Variants in IQCF2 observed in about 807,000 individuals in gnomAD.
IQCF2 encodes IQ motif containing F2, also known as IQ domain-containing protein F2.
Under a neutral mutation model 7.0 loss-of-function variants are expected in IQCF2, and 6 were observed. The ratio of observed to expected loss-of-function variants is 0.86; its 90% CI spans 0.47 to 1.70. IQCF2 has a LOEUF of 1.70. Ranked by LOEUF, IQCF2 falls within the 40% of genes most tolerant of loss-of-function variation. IQCF2 has a pLI of 0.01. For missense variants in IQCF2, 174 were observed against 204.6 expected (o/e 0.85, Z 0.91); for synonymous variants, 67 against 74.0 (o/e 0.91, Z 0.48).
Position 51,863,197 on chromosome 3 carries a change from T to A in IQCF2, c.322T>A (p.Ser108Thr). Residue 108 changes from serine to threonine, a missense_variant, in exon 3 of 3, where the codon TCT becomes ACT. Physicochemically the swap from Ser to Thr is moderately conservative, Grantham distance 58 (BLOSUM62 1). Transcript: ENST00000333127. ...TRERAVIKLQSLVRMWRVRWR... is the reference protein window; with the variant it reads ...TRERAVIKLQTLVRMWRVRWR... ...AGAGAGGGCAGTGATCAAGCTCCAGTCTTTGGTCCGTATGTGGCGTGTCCG... is the reference window on the plus strand; with the variant it reads ...AGAGAGGGCAGTGATCAAGCTCCAGACTTTGGTCCGTATGTGGCGTGTCCG... 6.2e-7 allele frequency: 1 copy of A among 1,614,138 alleles called. No homozygotes were observed. The highest frequency in any genetic ancestry group is 8.5e-7 in the Non-Finnish European group (1 of 1,180,012).
At chr3:51,862,613 T>G (rs993508979) in intron 2 of IQCF2, among the ~76,000 whole-genome samples, 1 of 152,154 alleles carries the variant, frequency 6.6e-6, no homozygotes, top group African/African-American at 2.4e-5. Flanking sequence ...GGGGCTGGAA[T>G]TAGCAGATAA....
At chr3:51,861,732 A>G in intron 1 of IQCF2, 48 bp downstream of exon 1, 2 of 1,609,502 alleles carry the variant, frequency 1.2e-6, no homozygotes, top group Non-Finnish European at 8.5e-7. Flanking sequence ...ATGGGTGGGT[A>G]TCTCCCTGGG....
chr3:51,861,732 A>T lies in IQCF2; in HGVS notation c.18+48A>T, dbSNP rs772465743. 10 of 1,609,502 alleles carry T rather than the reference A, an allele frequency of 6.2e-6. No individual in the cohort carries two copies. The East Asian group carries it at 1.6e-4, about 25-fold the overall frequency. On this transcript the variant is annotated intron_variant, in intron 1 of 2. Coordinates refer to ENST00000333127, the MANE Select transcript of IQCF2 (RefSeq NM_203424.2). ...TTAGGTGGACCAGGAATGGGTGGGT[A>T]TCTCCCTGGGCTTTACAGGACTTGA... is the stretch of plus-strand genomic sequence containing the variant.
In IQCF2 at chr3:51,863,095, C is replaced by A; in HGVS notation, c.220C>A (p.Gln74Lys). Residue 74 changes from glutamine to lysine, a missense_variant, in exon 3 of 3, where the codon CAG becomes AAG. Transcript: ENST00000333127. ...TGCAGCCCTCAGGGCCTGGATAATT[C>A]AGTGCTGGTGGCGGATGACGCTGTC... is the stretch of plus-strand genomic sequence containing the variant. The part of the protein sequence containing the change: ...LHAALRAWII[Q>K]CWWRMTLSRV... The A allele has an allele frequency of 6.2e-7, 1 of 1,614,270 alleles. No homozygotes were observed. The highest frequency in any genetic ancestry group is 1.1e-5 in the South Asian group (1 of 91,090).
chr3:51,861,708 T>C, intron 1 of IQCF2, 24 bp downstream of exon 1: 1 of 1,613,966 alleles, frequency 6.2e-7, no homozygotes, highest in African/African-American at 1.3e-5. Context: ...CCAGATCTAT[T>C]AGGTGGACCA....
intron 2 of IQCF2, 70 bp downstream of exon 2, chr3:51,862,020 T>G: frequency 8.8e-7 from 1 of 1,136,476 alleles, no homozygotes; most frequent in African/African-American, 1.5e-5. Context: ...TGTAGGACTT[T>G]GCCTCTTATC....
rs201555465 is a variant in IQCF2, at chr3:51,863,228, G to A, written c.353G>A (p.Arg118Gln). ...SLVRMWRVRW[R>Q]YCQVLNAIYI... ...GTCCGTATGTGGCGTGTCCGCTGGCGATACTGCCAGGTGCTCAATGCCATC... is the reference window on the plus strand; with the variant it reads ...GTCCGTATGTGGCGTGTCCGCTGGCAATACTGCCAGGTGCTCAATGCCATC... Residue 118 changes from arginine to glutamine, a missense_variant, in exon 3 of 3, where the codon CGA (arginine) becomes CAA (glutamine). Arg to Gln is a conservative substitution (Grantham distance 43). Transcript: ENST00000333127. The A allele has an allele frequency of 1.1e-5, 17 of 1,614,210 alleles. No individual in the cohort carries two copies. The highest frequency in any genetic ancestry group is 6.7e-5 in the East Asian group (3 of 44,882).
intron 2 of IQCF2, among the ~76,000 whole-genome samples, chr3:51,862,463 G>C (rs1341618611): frequency 6.6e-6 from 1 of 151,080 alleles, no homozygotes; most frequent in East Asian, 1.9e-4. Flanking sequence ...TGAGAGGTGA[G>C]AATGTGAGAA....
rs1698641447 is a variant in IQCF2 at position 51,861,953 on chromosome 3, G to A, written c.111+3G>A. On this transcript the variant is annotated splice_donor_region_variant and intron_variant, in intron 2 of 2. Coordinates refer to ENST00000333127, the MANE Select transcript of IQCF2 (RefSeq NM_203424.2). ...AGAAGAAACAGCAGAAAATCAAGGT[G>A]AGAAGAATTCCATGTACTTAAGAGA... is the stretch of plus-strand genomic sequence containing the variant. The A allele has an allele frequency of 1.9e-6, 3 of 1,603,634 alleles. No homozygotes were observed. The highest frequency in any genetic ancestry group is 2.7e-5 in the African/African-American group (2 of 74,694).
chr3:51,862,446 A>C, intron 2 of IQCF2, among the ~76,000 whole-genome samples: 1 of 151,170 alleles, frequency 6.6e-6, no homozygotes, highest in East Asian at 1.9e-4. Flanking sequence ...CAAGAAATGC[A>C]TAAGGCTGAG....
chr3:51,862,547 C>A (rs771787966), intron 2 of IQCF2, among the ~76,000 whole-genome samples: 22 of 152,044 alleles, frequency 1.4e-4, no homozygotes, highest in Non-Finnish European at 2.4e-4. Context: ...GTATTGAAAA[C>A]CTACCATAGT....
At chr3:51,862,420 A>T (rs970033624) in intron 2 of IQCF2, among the ~76,000 whole-genome samples, 3 of 151,802 alleles carry the variant, frequency 2.0e-5, no homozygotes, top group African/African-American at 7.2e-5. Context: ...AAAAAAAAAA[A>T]AAGAATGAAA....
Position 51,863,156 on chromosome 3 carries a change from T to C in IQCF2, c.281T>C (p.Ile94Thr). 1 of 1,614,180 alleles carries C rather than the reference T, an allele frequency of 6.2e-7. No homozygotes were observed. The highest frequency in any genetic ancestry group is 8.5e-7 in the Non-Finnish European group (1 of 1,180,040). ...VLEKKRQAAL[I>T]AYATRERAVI... ...GAGAAGAAACGGCAGGCAGCTCTGA[T>C]CGCCTACGCAACCAGAGAGAGGGCA... is the stretch of plus-strand genomic sequence containing the variant. The change falls in exon 3 of 3, where the codon ATC becomes ACC. Residue 94 changes from isoleucine to threonine, a missense_variant. Ile to Thr is a moderately conservative substitution (Grantham distance 89). Coordinates refer to ENST00000333127, the MANE Select transcript of IQCF2 (RefSeq NM_203424.2).
chr3:51,862,836 G>A, intron 2 of IQCF2, 151 bp from the exon 3 acceptor site: 4 of 901,058 alleles, frequency 4.4e-6, no homozygotes, highest in Non-Finnish European at 6.8e-6. Context: ...GTCACCACCA[G>A]GTCTGATGGC....
rs753127582 is a variant in IQCF2, at chr3:51,863,153, T to C, written c.278T>C (p.Leu93Pro). 2 of 1,614,240 alleles carry C rather than the reference T, an allele frequency of 1.2e-6. No individual in the cohort carries two copies. The highest frequency in any genetic ancestry group is 1.7e-6 in the Non-Finnish European group (2 of 1,180,040). ...CTGGAGAAGAAACGGCAGGCAGCTC[T>C]GATCGCCTACGCAACCAGAGAGAGG... ...RVLEKKRQAA[L>P]IAYATRERAV... Residue 93 changes from leucine to proline, a missense_variant, in exon 3 of 3, where the codon CTG becomes CCG. Physicochemically the swap from Leu to Pro is moderately conservative, Grantham distance 98 (BLOSUM62 -3). Coordinates refer to ENST00000333127, the MANE Select transcript of IQCF2 (RefSeq NM_203424.2).
rs750243341 is a variant in IQCF2 at position 51,861,851 on chromosome 3, A to G, written c.19-7A>G. ...TTTATGTACTTCCCATTTAATTCTG[A>G]TGACAGACCAAAGGCAATTTAATTT... On this transcript the variant is annotated splice_region_variant and splice_polypyrimidine_tract_variant and intron_variant, in intron 1 of 2. Transcript: ENST00000333127. 2 of 1,611,072 alleles carry G rather than the reference A, an allele frequency of 1.2e-6. No individual in the cohort carries two copies. The highest frequency in any genetic ancestry group is 1.7e-6 in the Non-Finnish European group (2 of 1,177,244).
In IQCF2 at chr3:51,863,182, G is replaced by A. The variant is rs1698657314; in HGVS notation, c.307G>A (p.Val103Met). ...CGCCTACGCAACCAGAGAGAGGGCA[G>A]TGATCAAGCTCCAGTCTTTGGTCCG... ...LIAYATRERA[V>M]IKLQSLVRMW... is the part of the protein sequence containing the mutation. The change falls in exon 3 of 3, where the codon GTG (valine) becomes ATG (methionine). Residue 103 changes from valine to methionine, a missense_variant. Transcript: ENST00000333127. 3 of 1,614,224 alleles carry A rather than the reference G, an allele frequency of 1.9e-6. No individual in the cohort carries two copies. Among genetic ancestry groups the A allele is most frequent in the East Asian group, 4.5e-5 (2 of 44,878 alleles).
At chr3:51,862,039 G>A in intron 2 of IQCF2, 89 bp downstream of exon 2, 1 of 890,232 alleles carries the variant, frequency 1.1e-6, no homozygotes, top group Non-Finnish European at 1.8e-6. Context: ...TCAATCCAGG[G>A]TCTAATTAGG....
At chr3:51,862,451 G>A (rs958204028) in intron 2 of IQCF2, among the ~76,000 whole-genome samples, 20 of 149,624 alleles carry the variant, frequency 1.3e-4, no homozygotes, top group Non-Finnish European at 2.7e-4. Context: ...AATGCATAAG[G>A]CTGAGAGGTG....
Sources: allele counts gnomAD v4.1 joint callset (sites outside exome capture counted in the v4.1 genomes callset), GRCh38; gene constraint gnomAD v4.1.1; transcripts MANE v1.5; gene names NCBI Gene and HGNC (gene_info 2026-07-23, HGNC 2026-07-21).